The following DCSTAMP variants were observed in gnomAD, a reference collection of about 807,000 sequenced individuals.
DCSTAMP encodes dendritic cell-specific transmembrane protein.
In DCSTAMP, 25 loss-of-function variants were observed where a neutral mutation model predicts 33.8. The observed-to-expected ratio is 0.74, with a 90% CI of 0.54 to 1.03. The LOEUF (loss-of-function observed/expected upper bound fraction) is 1.03, where lower values mean the gene tolerates loss of function less well. Ranked by LOEUF, DCSTAMP falls within the 50% of genes least tolerant of loss-of-function variation. The pLI is 0.00. For synonymous variants in DCSTAMP, 245 were observed against 216.7 expected (o/e 1.13, Z -1.15); for missense variants, 531 against 556.8 (o/e 0.95, Z 0.47).
chr8:104,354,791 C>A, intron 2 of DCSTAMP, 86 bp from the exon 3 acceptor site: 2 of 825,648 alleles, frequency 2.4e-6, no homozygotes, highest in Non-Finnish European at 3.8e-6. Context: ...GAAGATAGTG[C>A]CATGTGCTGC....
intron 1 of DCSTAMP, among the ~76,000 whole-genome samples, chr8:104,344,755 G>A (rs1810249154): frequency 6.6e-6 from 1 of 152,152 alleles, no homozygotes; most frequent in Admixed American, 6.5e-5. Context: ...GAAAACACTT[G>A]CTTAGCTTAT....
rs765832605 is a variant in DCSTAMP at position 104,355,127 on chromosome 8, A to G, written c.1280A>G (p.Lys427Arg). The change falls in exon 3 of 4, where the codon AAA becomes AGA. Residue 427 changes from lysine to arginine, a missense_variant. Physicochemically the swap from Lys to Arg is conservative, Grantham distance 26 (BLOSUM62 2). Transcript: ENST00000297581. ...IQYLHAKLLK[K>R]RSKQPLGEVK... ...TATCTGCATGCAAAGCTGCTTAAAA[A>G]AAGATCAAAGCAGCCGCTGGGAGAA... The G allele has an allele frequency of 4.3e-6, 7 of 1,614,062 alleles. No individual in the cohort carries two copies. In the East Asian group the frequency reaches 1.6e-4, roughly 36 times the overall value.
Position 104,356,488 on chromosome 8 carries a change from G to T in DCSTAMP, c.*290G>T. On this transcript the variant is annotated 3_prime_UTR_variant, in exon 4 of 4. Coordinates refer to ENST00000297581, the MANE Select transcript of DCSTAMP (RefSeq NM_030788.4). ...TCCCCTGGTGATGAGTTTCAGCATAGAATAATGTTCAAGGAAAAGAAAACG... is the reference window on the plus strand; with the variant it reads ...TCCCCTGGTGATGAGTTTCAGCATATAATAATGTTCAAGGAAAAGAAAACG... The T allele has an allele frequency of 4.5e-6, 1 of 220,652 alleles. No homozygotes were observed. The highest frequency in any genetic ancestry group is 8.9e-6 in the Non-Finnish European group (1 of 112,692). The allele number at this position is 220,652 out of a possible 1,614,324, so 13.7% of individuals were successfully genotyped here.
At chr8:104,342,016 G>A (rs975032089) in intron 1 of DCSTAMP, among the ~76,000 whole-genome samples, 12 of 152,198 alleles carry the variant, frequency 7.9e-5, no homozygotes, top group African/African-American at 2.9e-4. Context: ...AAGGGATCAG[G>A]TAAACTTTTA....
intron 2 of DCSTAMP, among the ~76,000 whole-genome samples, chr8:104,350,614 T>G (rs2514669): frequency 0.63 from 95,403 of 152,056 alleles, 31,055 homozygotes; most frequent in South Asian, 0.72. Flanking sequence ...GTTAAGAATT[T>G]CCTGAGTTGG....
At chr8:104,350,019 C>T (rs187880211) in intron 2 of DCSTAMP, among the ~76,000 whole-genome samples, 7 of 152,282 alleles carry the variant, frequency 4.6e-5, no homozygotes, top group Non-Finnish European at 4.4e-5. Context: ...TTCTTCTTTG[C>T]ATGTGGAAAA....
Position 104,348,755 on chromosome 8 carries a change from C to T in DCSTAMP, c.203C>T (p.Thr68Met), listed in dbSNP as rs143444954. The T allele has an allele frequency of 1.2e-5, 19 of 1,614,028 alleles. No homozygotes were observed. Among genetic ancestry groups the T allele is most frequent in the East Asian group, 2.2e-5 (1 of 44,884 alleles). Residue 68 changes from threonine (T) to methionine (M), a missense_variant, in exon 2 of 4, where the codon ACG becomes ATG. Thr to Met is a moderately conservative substitution (Grantham distance 81, BLOSUM62 -1). Transcript: ENST00000297581. The part of the protein sequence containing the change: ...IIAAAASWII[T>M]CVLLCCSKHA... The stretch of plus-strand genomic sequence containing the variant: ...GCGGCCGCTGCCTCCTGGATTATCA[C>T]GTGTGTTCTGCTGTGTTGCTCCAAG...
In DCSTAMP at chr8:104,349,368, G is replaced by A; in HGVS notation, c.816G>A (p.Glu272=). The part of the protein sequence containing the change: ...QRPCVLPLNK[E]ERRKYVIIPT... ...CCTGTGTGCTCCCGCTGAATAAGGA[G>A]GAAAGGAGGAAGTATGTCATCATCC... The change falls in exon 2 of 4, where the codon GAG becomes GAA. Residue 272 remains glutamate (E), a synonymous_variant. Coordinates refer to ENST00000297581, the MANE Select transcript of DCSTAMP (RefSeq NM_030788.4). 1 of 1,614,178 alleles carries A rather than the reference G, an allele frequency of 6.2e-7. No homozygotes were observed. Among genetic ancestry groups the A allele is most frequent in the African/African-American group, 1.3e-5 (1 of 75,026 alleles).
intron 2 of DCSTAMP, among the ~76,000 whole-genome samples, chr8:104,352,701 A>T (rs1810496905): frequency 6.6e-6 from 1 of 152,134 alleles, no homozygotes; most frequent in South Asian, 2.1e-4. Flanking sequence ...TGGGGGCACA[A>T]AGATGTCTAG....
At chr8:104,348,225 AAC>A (rs1480804177) in intron 1 of DCSTAMP, among the ~76,000 whole-genome samples, 1 of 152,244 alleles carries the variant, frequency 6.6e-6, no homozygotes, top group African/African-American at 2.4e-5. Flanking sequence ...AGCTGGACTT[AAC>A]ACAGCAGGAG....
chr8:104,347,051 G>A (rs1207234885), intron 1 of DCSTAMP, among the ~76,000 whole-genome samples: 1 of 152,142 alleles, frequency 6.6e-6, no homozygotes, highest in Non-Finnish European at 1.5e-5. Context: ...ACGCTTATTA[G>A]ATATTTTCAT....
At chr8:104,354,775 A>G (rs752639128) in intron 2 of DCSTAMP, 102 bp from the exon 3 acceptor site, 107 of 730,242 alleles carry the variant, frequency 1.5e-4, no homozygotes, top group Non-Finnish European at 1.4e-4. Context: ...AGCTCCCTGT[A>G]TATTTGAAGA....
In DCSTAMP at chr8:104,349,284, C is replaced by A. The variant is rs763405051; in HGVS notation, c.732C>A (p.Asn244Lys). The A allele has an allele frequency of 1.6e-5, 26 of 1,614,084 alleles. No homozygotes were observed. Among genetic ancestry groups the A allele is most frequent in the Non-Finnish European group, 2.0e-5 (24 of 1,180,048 alleles). The change falls in exon 2 of 4, where the codon AAC (asparagine) becomes AAA (lysine). Residue 244 changes from asparagine (N) to lysine (K), a missense_variant. By Grantham distance (94) the Asn-to-Lys change is moderately conservative (BLOSUM62 0). Transcript: ENST00000297581. ...FLGPCGWKYE[N>K]IYITRQFVQF... ...GCCCTTGTGGTTGGAAGTATGAAAA[C>A]ATCTACATCACCAGACAATTTGTTC...
intron 2 of DCSTAMP, among the ~76,000 whole-genome samples, chr8:104,351,439 A>AAG (rs2140475865): frequency 6.6e-6 from 1 of 152,336 alleles, no homozygotes; most frequent in South Asian, 2.1e-4. Context: ...TTGCTTGGGA[A>AAG]AGAATTCAAG....
In DCSTAMP at chr8:104,349,276, T is replaced by C. The variant is rs144160852; in HGVS notation, c.724T>C (p.Tyr242His). The change falls in exon 2 of 4, where the codon TAT (tyrosine) becomes CAT (histidine). Residue 242 changes from tyrosine (Y) to histidine (H), a missense_variant. Tyr to His is a moderately conservative substitution (Grantham distance 83). Transcript: ENST00000297581. ...ATTTTTGGGCCCTTGTGGTTGGAAGTATGAAAACATCTACATCACCAGACA... is the reference window on the plus strand; with the variant it reads ...ATTTTTGGGCCCTTGTGGTTGGAAGCATGAAAACATCTACATCACCAGACA... Reference protein sequence around the residue: ...KRFLGPCGWKYENIYITRQFV... With the variant: ...KRFLGPCGWKHENIYITRQFV... 1.7e-5 allele frequency: 27 copies of C among 1,614,178 alleles called. No homozygotes were observed. The African/African-American group carries it at 3.6e-4, about 22-fold the overall frequency.
chr8:104,349,099 G>A lies in DCSTAMP; in HGVS notation c.547G>A (p.Glu183Lys). The A allele has an allele frequency of 5.6e-6, 9 of 1,614,148 alleles. No individual in the cohort carries two copies. Among genetic ancestry groups the A allele is most frequent in the Non-Finnish European group, 7.6e-6 (9 of 1,180,042 alleles). The change falls in exon 2 of 4, where the codon GAG becomes AAG. Residue 183 changes from glutamate to lysine, a missense_variant. Glu to Lys is a moderately conservative substitution (Grantham distance 56). Transcript: ENST00000297581. Reference protein sequence around the residue: ...VSLFSPSHVLEAQLNDSKGEV... With the variant: ...VSLFSPSHVLKAQLNDSKGEV... ...TCTTTTCAGTCCCAGCCATGTCCTGGAGGCACAGCTAAATGACAGCAAAGG... is the reference window on the plus strand; with the variant it reads ...TCTTTTCAGTCCCAGCCATGTCCTGAAGGCACAGCTAAATGACAGCAAAGG...
intron 1 of DCSTAMP, among the ~76,000 whole-genome samples, chr8:104,340,906 T>C (rs1243851182): frequency 1.3e-5 from 2 of 152,214 alleles, no homozygotes; most frequent in African/African-American, 4.8e-5. Flanking sequence ...AGAGTGCTTG[T>C]CCGTTTGGGT....
In DCSTAMP at chr8:104,349,169, T is replaced by C. The variant is rs766098559; in HGVS notation, c.617T>C (p.Val206Ala). The C allele has an allele frequency of 2.5e-6, 4 of 1,614,004 alleles. No individual in the cohort carries two copies. The highest frequency in any genetic ancestry group is 1.6e-4 in the Middle Eastern group (1 of 6,084). ...VLYQMATTTE[V>A]LSSLGQKLLA... ...TACCAGATGGCAACAACCACAGAGG[T>C]GTTGTCCTCCCTGGGTCAGAAGCTA... is the stretch of plus-strand genomic sequence containing the variant. The change falls in exon 2 of 4, where the codon GTG becomes GCG. Residue 206 changes from valine (V) to alanine (A), a missense_variant. Physicochemically the swap from Val to Ala is moderately conservative, Grantham distance 64. Transcript: ENST00000297581.
chr8:104,351,781 A>G (rs1350900741), intron 2 of DCSTAMP, among the ~76,000 whole-genome samples: 4 of 151,462 alleles, frequency 2.6e-5, no homozygotes, highest in Admixed American at 2.0e-4. Context: ...AGTGAGGACA[A>G]CTCGAGGTTT....
Sources: allele counts gnomAD v4.1 joint callset (sites outside exome capture counted in the v4.1 genomes callset), GRCh38; gene constraint gnomAD v4.1.1; transcripts MANE v1.5; gene names NCBI Gene and HGNC (gene_info 2026-07-23, HGNC 2026-07-21).